Variants in METAP1D observed in about 807,000 individuals in gnomAD.
The protein encoded by METAP1D is methionine aminopeptidase 1D, mitochondrial.
METAP1D carries 31 observed loss-of-function variants against 40.5 expected under a neutral mutation model. The observed-to-expected ratio is 0.77, with a 90% confidence interval of 0.58 to 1.03. The LOEUF is 1.03. Ranked by LOEUF, METAP1D falls within the 50% of genes least tolerant of loss-of-function variation. The pLI is 0.00. For synonymous variants in METAP1D, 151 were observed against 146.4 expected (o/e 1.03, Z -0.22); for missense variants, 411 against 420.7 (o/e 0.98, Z 0.20).
chr2:172,032,748 A>G (rs752211661), intron 1 of METAP1D, among the ~76,000 whole-genome samples: 1 of 152,212 alleles, frequency 6.6e-6, no homozygotes, highest in Admixed American at 6.5e-5. Flanking sequence ...ACCACTGTCC[A>G]TTAAATATTC....
intron 1 of METAP1D, among the ~76,000 whole-genome samples, chr2:172,000,422 T>C (rs1201549497): frequency 6.6e-6 from 1 of 152,094 alleles, no homozygotes; most frequent in Non-Finnish European, 1.5e-5. Context: ...GCATGCTTTT[T>C]GGGGACTTGC....
intron 1 of METAP1D, among the ~76,000 whole-genome samples, chr2:172,052,205 A>G (rs982205884): frequency 1.3e-5 from 2 of 152,224 alleles, no homozygotes; most frequent in Admixed American, 6.5e-5. Context: ...CTGTGGCTTT[A>G]TCATCCAGAG....
At chr2:172,060,154 G>A (rs1044262179) in intron 1 of METAP1D, among the ~76,000 whole-genome samples, 14 of 152,040 alleles carry the variant, frequency 9.2e-5, no homozygotes, top group Admixed American at 7.2e-4. Flanking sequence ...AGTAGCTCAC[G>A]CCTGTAACCT....
chr2:172,043,607 A>G (rs1689669958), intron 1 of METAP1D, among the ~76,000 whole-genome samples: 3 of 135,292 alleles, frequency 2.2e-5, no homozygotes, highest in African/African-American at 7.5e-5. Context: ...TTTTATTTAT[A>G]TTTAATAGCA....
intron 1 of METAP1D, among the ~76,000 whole-genome samples, chr2:172,003,306 C>T (rs933946863): frequency 2.0e-5 from 3 of 152,094 alleles, no homozygotes; most frequent in Non-Finnish European, 2.9e-5. Flanking sequence ...ACCCTGGGGC[C>T]CCAGGAACTC....
At chr2:172,063,019 G>A (rs566625682) in intron 2 of METAP1D, among the ~76,000 whole-genome samples, 152 of 152,326 alleles carry the variant, frequency 1.0e-3, no homozygotes, top group African/African-American at 3.5e-3. Flanking sequence ...TTTATTTCCT[G>A]AATACTGCCC....
intron 1 of METAP1D, among the ~76,000 whole-genome samples, chr2:172,023,604 C>T (rs185348269): frequency 6.6e-6 from 1 of 152,232 alleles, no homozygotes; most frequent in African/African-American, 2.4e-5. Context: ...CCTTAAGATT[C>T]GTGCATATCA....
In METAP1D at chr2:172,082,424, A is replaced by G. The variant is rs943865568; in HGVS notation, c.*2018A>G. Reference sequence around the variant, plus strand: ...ATAATTCCATTTATTAAAGGGACTAACCTAAAGTGTGTGGGTGTATATATA... The same window carrying G: ...ATAATTCCATTTATTAAAGGGACTAGCCTAAAGTGTGTGGGTGTATATATA... On this transcript the variant is annotated 3_prime_UTR_variant, in exon 10 of 10. Transcript: ENST00000315796. 29 of 152,254 alleles carry G rather than the reference A, an allele frequency of 1.9e-4. No individual in the cohort carries two copies. Among genetic ancestry groups the G allele is most frequent in the African/African-American group, 7.0e-4 (29 of 41,460 alleles). 9.4% of individuals were successfully genotyped at this position (152,254 alleles called of 1,614,324 possible). A position where few individuals can be genotyped will look rare whatever the true frequency, so the allele number is the denominator to read the frequency against.
chr2:172,042,558 C>T (rs200279038), intron 1 of METAP1D, among the ~76,000 whole-genome samples: 2 of 48,140 alleles, frequency 4.2e-5, no homozygotes, highest in Non-Finnish European at 7.8e-5. Context: ...TGTATGTGTA[C>T]ATGTGCACAT....
chr2:172,036,456 T>C (rs1428234936), intron 1 of METAP1D, among the ~76,000 whole-genome samples: 4 of 149,870 alleles, frequency 2.7e-5, no homozygotes, highest in Non-Finnish European at 4.5e-5. Flanking sequence ...AGCTCCGCCT[T>C]CCGGGTTCAC....
At chr2:172,003,601 C>G (rs956142843) in intron 1 of METAP1D, among the ~76,000 whole-genome samples, 3 of 152,130 alleles carry the variant, frequency 2.0e-5, no homozygotes, top group African/African-American at 7.2e-5. Context: ...TCCTGCCACC[C>G]TGTGAAGAGG....
intron 1 of METAP1D, among the ~76,000 whole-genome samples, chr2:172,056,146 A>G (rs1167749279): frequency 6.6e-6 from 1 of 152,222 alleles, no homozygotes; most frequent in Non-Finnish European, 1.5e-5. Context: ...AAAATTGATC[A>G]GAGGCTACAT....
intron 1 of METAP1D, among the ~76,000 whole-genome samples, chr2:172,021,435 G>A (rs990887406): frequency 2.0e-5 from 3 of 152,206 alleles, no homozygotes; most frequent in Admixed American, 6.5e-5. Context: ...CACCTGCAGA[G>A]TAAGCTAAAC....
At chr2:172,012,424 T>G (rs1321459834) in intron 1 of METAP1D, among the ~76,000 whole-genome samples, 1 of 152,096 alleles carries the variant, frequency 6.6e-6, no homozygotes, top group Non-Finnish European at 1.5e-5. Context: ...AACAGCTAGA[T>G]AGCAACGTGA....
intron 3 of METAP1D, among the ~76,000 whole-genome samples, chr2:172,064,826 A>G (rs981386660): frequency 2.0e-5 from 3 of 152,286 alleles, no homozygotes; most frequent in South Asian, 4.1e-4. Context: ...CATAATGTAT[A>G]TATACAAAAT....
At chr2:172,033,542 G>C (rs1457888882) in intron 1 of METAP1D, among the ~76,000 whole-genome samples, 1 of 151,560 alleles carries the variant, frequency 6.6e-6, no homozygotes, top group Non-Finnish European at 1.5e-5. Context: ...TTTTTAGAGA[G>C]GCAAGGTTTC....
chr2:172,056,296 T>C (rs1690000802), intron 1 of METAP1D, among the ~76,000 whole-genome samples: 1 of 152,200 alleles, frequency 6.6e-6, no homozygotes, highest in African/African-American at 2.4e-5. Context: ...GTAATGTCTT[T>C]GAAGTACTCA....
chr2:172,036,512 C>T (rs1193014494), intron 1 of METAP1D, among the ~76,000 whole-genome samples: 1 of 150,872 alleles, frequency 6.6e-6, no homozygotes, highest in Non-Finnish European at 1.5e-5. Context: ...ACTACAGGCG[C>T]CTGCCACCAC....
At chr2:172,063,436 G>A (rs543863955) in intron 2 of METAP1D, among the ~76,000 whole-genome samples, 1 of 152,252 alleles carries the variant, frequency 6.6e-6, no homozygotes, top group Non-Finnish European at 1.5e-5. Flanking sequence ...GAAAACTACT[G>A]TTTGTTTTGA....
Sources: allele counts gnomAD v4.1 joint callset (sites outside exome capture counted in the v4.1 genomes callset), GRCh38; gene constraint gnomAD v4.1.1; transcripts MANE v1.5; gene names NCBI Gene and HGNC (gene_info 2026-07-23, HGNC 2026-07-21).